RPA3: variants seen among roughly 807,000 people sequenced by gnomAD.
The protein encoded by RPA3 is replication protein A3, also known as replication protein A 14 kDa subunit.
Under a neutral mutation model 13.7 loss-of-function variants are expected in RPA3, and 24 were observed. The observed-to-expected ratio is 1.75, with a 90% CI of 1.27 to 2.46. The LOEUF (loss-of-function observed/expected upper bound fraction) is 2.46, where lower values mean the gene tolerates loss of function less well. Ranked by LOEUF, RPA3 falls within the 30% of genes most tolerant of loss-of-function variation. The pLI is 0.00. For synonymous variants in RPA3, 59 were observed against 51.2 expected (o/e 1.15, Z -0.65); for missense variants, 183 against 151.0 (o/e 1.21, Z -1.11).
intron 4 of RPA3, among the ~76,000 whole-genome samples, chr7:7,679,761 C>T (rs750811810): frequency 6.7e-6 from 1 of 148,240 alleles, no homozygotes; most frequent in Non-Finnish European, 1.5e-5. Flanking sequence ...GGCAATAACT[C>T]ACTATGTTAC....
chr7:7,680,011 C>A (rs781267650), intron 4 of RPA3, among the ~76,000 whole-genome samples: 1 of 151,886 alleles, frequency 6.6e-6, no homozygotes, highest in Non-Finnish European at 1.5e-5. Context: ...GTTGATTAAT[C>A]ATTTCTTTTG....
chr7:7,639,078 T>A lies in RPA3; in HGVS notation c.166A>T (p.Met56Leu), dbSNP rs1288403523. The A allele has an allele frequency of 6.2e-7, 1 of 1,611,612 alleles. No homozygotes were observed. Among genetic ancestry groups the A allele is most frequent in the Non-Finnish European group, 8.5e-7 (1 of 1,178,796 alleles). ...TTAACACTTAAACATACGGGTTCCA[T>A]CAACTCGATGGTTCCATTTTTTCCT... ...GEGKNGTIEL[M>L]EPLDEEISGI... Residue 56 changes from methionine (M) to leucine (L), a missense_variant, in exon 6 of 8, where the codon ATG becomes TTG. By Grantham distance (15) the Met-to-Leu change is conservative. Transcript: ENST00000223129.
At chr7:7,675,073 C>T (rs1050860967) in intron 4 of RPA3, among the ~76,000 whole-genome samples, 3 of 151,928 alleles carry the variant, frequency 2.0e-5, no homozygotes, top group African/African-American at 7.3e-5. Flanking sequence ...CCATGTTGCC[C>T]AGGTTGGTCT....
At chr7:7,708,184 CA>C (rs1780654268) in intron 2 of RPA3, among the ~76,000 whole-genome samples, 1 of 152,162 alleles carries the variant, frequency 6.6e-6, no homozygotes, top group Non-Finnish European at 1.5e-5. Flanking sequence ...CATATTCAAA[CA>C]CAACAGCTTC....
At chr7:7,689,900 G>A (rs1056400917) in intron 2 of RPA3, among the ~76,000 whole-genome samples, 4 of 152,162 alleles carry the variant, frequency 2.6e-5, no homozygotes, top group African/African-American at 9.7e-5. Flanking sequence ...ATAGTAATTG[G>A]TGATCAGGAA....
intron 2 of RPA3, among the ~76,000 whole-genome samples, chr7:7,694,925 A>G (rs1313220217): frequency 1.3e-5 from 2 of 152,192 alleles, no homozygotes; most frequent in East Asian, 3.8e-4. Flanking sequence ...GTTGGATCAT[A>G]CGGTAGTTCT....
intron 4 of RPA3, among the ~76,000 whole-genome samples, chr7:7,648,202 C>A (rs1785141850): frequency 6.6e-6 from 1 of 152,136 alleles, no homozygotes; most frequent in African/African-American, 2.4e-5. Flanking sequence ...GACTTAATTG[C>A]CTAGATGTAT....
chr7:7,678,689 T>C (rs1779824625), intron 4 of RPA3, among the ~76,000 whole-genome samples: 1 of 126,796 alleles, frequency 7.9e-6, no homozygotes, highest in Non-Finnish European at 1.6e-5. Flanking sequence ...ATATATTTAG[T>C]TTATAAATAT....
In RPA3 at chr7:7,639,068, AC is replaced by A; in HGVS notation, c.174+1del. 1 of 1,608,122 alleles carries A rather than the reference AC, an allele frequency of 6.2e-7. No homozygotes were observed. The highest frequency in any genetic ancestry group is 8.5e-7 in the Non-Finnish European group (1 of 1,176,626). On this transcript the variant is annotated splice_donor_variant, in intron 6 of 7. Coordinates refer to ENST00000223129, the MANE Select transcript of RPA3 (RefSeq NM_002947.5). LOFTEE classifies it high-confidence loss of function. Reference sequence around the variant, plus strand: ...AAGAGACTTATTAACACTTAAACATACGGGTTCCATCAACTCGATGGTTCCA... The same window carrying A: ...AAGAGACTTATTAACACTTAAACATAGGGTTCCATCAACTCGATGGTTCCA...
At chr7:7,705,754 T>C (rs1406512608) in intron 2 of RPA3, among the ~76,000 whole-genome samples, 3 of 152,130 alleles carry the variant, frequency 2.0e-5, no homozygotes, top group African/African-American at 7.2e-5. Context: ...TCATAGAATA[T>C]AAAATAAAAA....
chr7:7,707,390 A>G (rs1583759028), intron 2 of RPA3, among the ~76,000 whole-genome samples: 1 of 152,304 alleles, frequency 6.6e-6, no homozygotes, highest in African/African-American at 2.4e-5. Flanking sequence ...CCTGGAAGCC[A>G]GAAGCCTTGT....
chr7:7,687,528 A>G (rs1454444352), intron 2 of RPA3, among the ~76,000 whole-genome samples, 200 bp from the exon 3 acceptor site: 2 of 152,216 alleles, frequency 1.3e-5, no homozygotes, highest in East Asian at 3.8e-4. Context: ...CCCTCAACTC[A>G]GACTGGAAGG....
Position 7,671,294 on chromosome 7 carries a change from C to T in RPA3, c.-758+14536G>A, listed in dbSNP as rs367815257. Among the ~76,000 whole-genome samples, 21 of 152,230 alleles carry T rather than the reference C, an allele frequency of 1.4e-4. No homozygotes were observed. In the East Asian group the frequency reaches 1.9e-3, roughly 14 times the overall value. ...TATCTTTTTCACCTCTGTGCATGCC[C>T]CCCTCTTCTCTTTATTTATTTGAGG... On this transcript the variant is annotated intron_variant, in intron 4 of 7. Transcript: ENST00000223129.
At chr7:7,676,095 T>A in intron 4 of RPA3, 1 of 398,660 alleles carries the variant, frequency 2.5e-6, no homozygotes, top group Non-Finnish European at 4.4e-6. Context: ...TCTTCCTTCT[T>A]CCGCAGAAGC....
At chr7:7,686,213 T>C (rs928059333) in intron 3 of RPA3, among the ~76,000 whole-genome samples, 5 of 152,172 alleles carry the variant, frequency 3.3e-5, no homozygotes, top group Admixed American at 1.3e-4. Flanking sequence ...TAAAGTTATA[T>C]AGCTTCAGAA....
chr7:7,640,387 C>T lies in RPA3; in HGVS notation c.32G>A (p.Arg11His), dbSNP rs1784938049. The change falls in exon 5 of 8, where the codon CGC becomes CAC. Residue 11 changes from arginine to histidine, a missense_variant. Coordinates refer to ENST00000223129, the MANE Select transcript of RPA3 (RefSeq NM_002947.5). MVDMMDLPRS[R>H]INAGMLAQFI... ...TTGAGCTAGCATGCCGGCGTTGATGCGCGACCTGGGCAAGTCCATCATGTC... is the reference window on the plus strand; with the variant it reads ...TTGAGCTAGCATGCCGGCGTTGATGTGCGACCTGGGCAAGTCCATCATGTC... 6.2e-7 allele frequency: 1 copy of T among 1,614,044 alleles called. No homozygotes were observed.
chr7:7,716,893 A>C (rs1780922239), intron 1 of RPA3, among the ~76,000 whole-genome samples: 1 of 151,922 alleles, frequency 6.6e-6, no homozygotes. Context: ...ATGCTATGTA[A>C]ATGGCACACC....
In RPA3 at chr7:7,710,049, A is replaced by G. The variant is rs114730565; in HGVS notation, c.-1028+5126T>C. On this transcript the variant is annotated intron_variant, in intron 2 of 7. Transcript: ENST00000223129. ...TCGAGTCACTCACAATGTATGTACAATATGTTCTTCAGCAATTTGCCTCTC... is the reference window on the plus strand; with the variant it reads ...TCGAGTCACTCACAATGTATGTACAGTATGTTCTTCAGCAATTTGCCTCTC... Among the ~76,000 whole-genome samples the G allele has an allele frequency of 9.1e-3, 1,380 of 152,224 alleles. 13 individuals are homozygous for G. The highest frequency in any genetic ancestry group is 0.032 in the African/African-American group (1,315 of 41,550).
intron 2 of RPA3, among the ~76,000 whole-genome samples, chr7:7,702,781 G>C (rs984666528): frequency 1.3e-5 from 2 of 149,408 alleles, no homozygotes; most frequent in Admixed American, 1.3e-4. Flanking sequence ...CAGTGGCCTG[G>C]GTTTTTGTTG....
Sources: allele counts gnomAD v4.1 joint callset (sites outside exome capture counted in the v4.1 genomes callset), GRCh38; gene constraint gnomAD v4.1.1; transcripts MANE v1.5; gene names NCBI Gene and HGNC (gene_info 2026-07-23, HGNC 2026-07-21).